Variants in GRIP1 observed in about 807,000 individuals in gnomAD.
GRIP1 encodes glutamate receptor interacting protein 1, also known as glutamate receptor-interacting protein 1.
A neutral mutation model predicts 129.9 loss-of-function variants in GRIP1; 45 were observed. That is an observed-to-expected ratio of 0.35 (90% confidence interval 0.27 to 0.44). The LOEUF is 0.44. Among genes scored for constraint, GRIP1 ranks in the 20% least tolerant of loss-of-function variants. The probability of loss-of-function intolerance (pLI) is 1.00; values close to 1 mark genes in which losing one functional copy is unlikely to be tolerated. For synonymous variants in GRIP1, 530 were observed against 520.8 expected (o/e 1.02, Z -0.24); for missense variants, 1,196 against 1,396.8 (o/e 0.86, Z 2.29).
chr12:67,009,200 C>G (rs1209426416), intron 1 of GRIP1, among the ~76,000 whole-genome samples: 1 of 152,082 alleles, frequency 6.6e-6, no homozygotes, highest in African/African-American at 2.4e-5. Flanking sequence ...ATTGTTTCCC[C>G]TGGGAATCAA....
chr12:66,817,202 GCACACACACACACACACA>G (rs57507955), intron 1 of GRIP1, among the ~76,000 whole-genome samples: 4 of 136,122 alleles, frequency 2.9e-5, no homozygotes, highest in South Asian at 2.5e-4. Context: ...TTTTCAGTAT[GCACACACACACACACACA>G]CACACACACA....
At chr12:66,972,689 T>C (rs1285405837) in intron 1 of GRIP1, among the ~76,000 whole-genome samples, 1 of 152,210 alleles carries the variant, frequency 6.6e-6, no homozygotes, top group African/African-American at 2.4e-5. Flanking sequence ...CTCAAGCTTT[T>C]CTTTTTCTAG....
chr12:66,979,851 C>T (rs893180209), intron 1 of GRIP1, among the ~76,000 whole-genome samples: 3 of 152,094 alleles, frequency 2.0e-5, no homozygotes, highest in Non-Finnish European at 4.4e-5. Flanking sequence ...GGATGGCCAA[C>T]CTTAGAAGCT....
chr12:66,879,085 C>T (rs7294338), intron 1 of GRIP1, among the ~76,000 whole-genome samples: 6,911 of 151,652 alleles, frequency 0.046, 539 homozygotes, highest in African/African-American at 0.16. Context: ...GAAATGTATA[C>T]AATATGTATA....
intron 13 of GRIP1, among the ~76,000 whole-genome samples, chr12:66,437,158 C>T (rs753044374): frequency 1.4e-4 from 22 of 152,066 alleles, no homozygotes; most frequent in Non-Finnish European, 2.5e-4. Context: ...ATTTTGGAAA[C>T]GGATGGCTTA....
rs541882783 is a variant in GRIP1, at chr12:66,511,172, A to T, written c.724+4447T>A. Among the ~76,000 whole-genome samples, 7 of 152,076 alleles carry T rather than the reference A, an allele frequency of 4.6e-5. No individual in the cohort carries two copies. In the South Asian group the frequency reaches 1.5e-3, roughly 32 times the overall value. ...CTCATGAGATCTGATGGTTTTATAA[A>T]GGAGAGTTTCCCTGCACAAGTTCTC... On this transcript the variant is annotated intron_variant, in intron 7 of 24. Transcript: ENST00000359742.
rs12581549 is a variant in GRIP1 at position 66,844,925 on chromosome 12, C to A, written c.58+224125G>T. ...TCTAGAATAGTCAAATTCATAGAGA[C>A]AGAAAATAGAATGGTGGTTGCCAGG... On this transcript the variant is annotated intron_variant, in intron 1 of 1. Transcript: ENST00000643019. 4.9e-3 allele frequency among the ~76,000 whole-genome samples: 752 copies of A among 152,116 alleles called. 30 individuals carry two copies. In the East Asian group the frequency reaches 0.11, roughly 22 times the overall value.
intron 2 of GRIP1, among the ~76,000 whole-genome samples, chr12:66,553,748 G>A (rs1337823855): frequency 6.6e-6 from 1 of 151,666 alleles, no homozygotes; most frequent in Admixed American, 6.6e-5. Flanking sequence ...TGAGCTTGGG[G>A]GAGGAAAAGT....
chr12:66,428,183 C>A (rs958470901), intron 14 of GRIP1, among the ~76,000 whole-genome samples: 2 of 152,290 alleles, frequency 1.3e-5, no homozygotes, highest in African/African-American at 4.8e-5. Context: ...AACCACTCAT[C>A]ATCACACACA....
At chr12:66,383,932 G>A (rs921797488) in intron 19 of GRIP1, among the ~76,000 whole-genome samples, 36 of 152,312 alleles carry the variant, frequency 2.4e-4, no homozygotes, top group African/African-American at 8.2e-4. Context: ...AAATGAAATT[G>A]CTGGAGCCCC....
chr12:66,902,355 T>C (rs1006589146), intron 1 of GRIP1, among the ~76,000 whole-genome samples: 4 of 152,220 alleles, frequency 2.6e-5, no homozygotes, highest in Non-Finnish European at 5.9e-5. Context: ...TAAAAACTTT[T>C]GTTCCTTTAC....
At chr12:66,420,931 T>C (rs1255311554) in intron 14 of GRIP1, 142 bp from the exon 15 acceptor site, 5 of 635,120 alleles carry the variant, frequency 7.9e-6, no homozygotes, top group Non-Finnish European at 1.1e-5. Flanking sequence ...TTAGGAAGTA[T>C]GCACATTATG....
At chr12:66,396,285 T>G (rs2056785524) in intron 16 of GRIP1, among the ~76,000 whole-genome samples, 1 of 152,000 alleles carries the variant, frequency 6.6e-6, no homozygotes, top group African/African-American at 2.4e-5. Flanking sequence ...TCTTTATGGG[T>G]TTTGGGGAGA....
chr12:66,733,032 TA>T (rs2036487731), intron 1 of GRIP1, among the ~76,000 whole-genome samples: 1 of 152,166 alleles, frequency 6.6e-6, no homozygotes, highest in Non-Finnish European at 1.5e-5. Context: ...CTATGTTTTT[TA>T]AAAAGGGATG....
chr12:66,951,560 G>A (rs1367637079), intron 1 of GRIP1, among the ~76,000 whole-genome samples: 1 of 152,188 alleles, frequency 6.6e-6, no homozygotes, highest in Non-Finnish European at 1.5e-5. Context: ...CTTAAAAAGG[G>A]GAACAATACA....
intron 2 of GRIP1, among the ~76,000 whole-genome samples, chr12:66,586,408 T>A (rs1342576788): frequency 6.6e-6 from 1 of 152,170 alleles, no homozygotes; most frequent in Non-Finnish European, 1.5e-5. Context: ...TTTGGCTGAA[T>A]CTTCCTTCAC....
Position 66,845,595 on chromosome 12 carries a change from CAG to C in GRIP1, c.58+223453_58+223454del, listed in dbSNP as rs1474528976. Among the ~76,000 whole-genome samples, 8 of 152,250 alleles carry C rather than the reference CAG, an allele frequency of 5.3e-5. No individual in the cohort carries two copies. The East Asian group carries it at 1.5e-3, about 29-fold the overall frequency. On this transcript the variant is annotated intron_variant, in intron 1 of 1. Transcript: ENST00000643019. ...AAGAAAACTGTAATTTTTGTGGGCT[CAG>C]GGACTGAGTTCTATGATCTGGGTAC...
chr12:66,449,463 C>A (rs2058716681), intron 11 of GRIP1, among the ~76,000 whole-genome samples: 1 of 152,094 alleles, frequency 6.6e-6, no homozygotes, highest in African/African-American at 2.4e-5. Flanking sequence ...TCGACTTTTC[C>A]TTAAGAAGCA....
chr12:66,810,609 G>A (rs1281844166), intron 1 of GRIP1, among the ~76,000 whole-genome samples: 1 of 123,190 alleles, frequency 8.1e-6, no homozygotes, highest in Non-Finnish European at 1.8e-5. Flanking sequence ...TAGATAGGAT[G>A]CAGAATAAAT....
Sources: allele counts gnomAD v4.1 joint callset (sites outside exome capture counted in the v4.1 genomes callset), GRCh38; gene constraint gnomAD v4.1.1; transcripts MANE v1.5; gene names NCBI Gene and HGNC (gene_info 2026-07-23, HGNC 2026-07-21).